FCHSD2: variants seen among roughly 807,000 people sequenced by gnomAD.
The protein encoded by FCHSD2 is FCH and double SH3 domains 2, also known as F-BAR and double SH3 domains protein 2.
Under a neutral mutation model 108.1 loss-of-function variants are expected in FCHSD2, and 38 were observed. The ratio of observed to expected loss-of-function variants is 0.35; its 90% CI spans 0.27 to 0.46. FCHSD2 has a LOEUF of 0.46. Among genes scored for constraint, FCHSD2 ranks in the 20% least tolerant of loss-of-function variants. The pLI is 1.00. For missense variants in FCHSD2, 751 were observed against 897.8 expected, an observed-to-expected ratio of 0.84 and a Z score of 2.09; for synonymous variants, 279 against 314.7, an observed-to-expected ratio of 0.89 and a Z score of 1.20.
At chr11:73,129,051 T>G (rs1346837034) in intron 2 of FCHSD2, among the ~76,000 whole-genome samples, 4 of 151,662 alleles carry the variant, frequency 2.6e-5, no homozygotes, top group Non-Finnish European at 5.9e-5. Context: ...TTTTGTATTT[T>G]TAGTAGAGAC....
At chr11:72,860,593 C>T (rs1384711419) in intron 13 of FCHSD2, among the ~76,000 whole-genome samples, 1 of 152,066 alleles carries the variant, frequency 6.6e-6, no homozygotes, top group African/African-American at 2.4e-5. Context: ...TCCTATAATC[C>T]TACCACTTTG....
At chr11:73,131,703 C>CAAA (rs1173232302) in intron 2 of FCHSD2, among the ~76,000 whole-genome samples, 1 of 107,684 alleles carries the variant, frequency 9.3e-6, no homozygotes, top group Non-Finnish European at 2.0e-5. Context: ...GACTATGTCT[C>CAAA]AAAAAAAAAA....
intron 4 of FCHSD2, among the ~76,000 whole-genome samples, chr11:73,013,346 G>A (rs1857901801): frequency 6.6e-6 from 1 of 152,120 alleles, no homozygotes; most frequent in Non-Finnish European, 1.5e-5. Context: ...TTAAGACCTG[G>A]CTCTACAAGC....
intron 3 of FCHSD2, among the ~76,000 whole-genome samples, chr11:73,067,492 A>C (rs1216942077): frequency 6.6e-6 from 1 of 152,142 alleles, no homozygotes; most frequent in Non-Finnish European, 1.5e-5. Flanking sequence ...AAAAAAAGAA[A>C]GAAAGAAAAT....
At chr11:72,941,080 C>A (rs1041691726) in intron 8 of FCHSD2, 5 of 590,554 alleles carry the variant, frequency 8.5e-6, no homozygotes, top group Non-Finnish European at 1.5e-5. Context: ...TTAGAGAAGG[C>A]GCAAAACTCT....
chr11:72,973,382 G>T (rs1287201447), intron 8 of FCHSD2, among the ~76,000 whole-genome samples: 3 of 150,744 alleles, frequency 2.0e-5, no homozygotes, highest in Admixed American at 2.0e-4. Context: ...AAAAAAGAAA[G>T]AAAAGAAAAG....
chr11:72,843,007 C>T, intron 16 of FCHSD2, 144 bp downstream of exon 16: 1 of 915,074 alleles, frequency 1.1e-6, no homozygotes. Context: ...TTCTACTGTG[C>T]AGGACAAACG....
intron 12 of FCHSD2, among the ~76,000 whole-genome samples, chr11:72,879,730 A>G (rs1164989565): frequency 2.0e-5 from 3 of 152,250 alleles, no homozygotes; most frequent in Non-Finnish European, 4.4e-5. Context: ...ATAAAAAATA[A>G]GGCCAGATAA....
chr11:73,061,862 AG>A (rs1205814138), intron 3 of FCHSD2, among the ~76,000 whole-genome samples: 2 of 152,168 alleles, frequency 1.3e-5, no homozygotes, highest in Non-Finnish European at 2.9e-5. Context: ...ACTTGGGGAA[AG>A]GGGCAGCTGT....
At chr11:72,992,848 G>T (rs2135408771) in intron 5 of FCHSD2, among the ~76,000 whole-genome samples, 1 of 152,258 alleles carries the variant, frequency 6.6e-6, no homozygotes, top group South Asian at 2.1e-4. Context: ...ACAGGCATAG[G>T]CAAGGACTTC....
intron 12 of FCHSD2, among the ~76,000 whole-genome samples, chr11:72,873,357 G>T (rs1854903566): frequency 6.6e-6 from 1 of 151,352 alleles, no homozygotes; most frequent in Non-Finnish European, 1.5e-5. Context: ...ATCTTTTCAT[G>T]TGCTTATTTA....
chr11:72,862,937 T>G (rs564008667), intron 13 of FCHSD2, among the ~76,000 whole-genome samples: 1 of 152,290 alleles, frequency 6.6e-6, no homozygotes, highest in South Asian at 2.1e-4. Flanking sequence ...TGATTAATTT[T>G]TTTTTTAAAG....
In FCHSD2 at chr11:73,142,217, C is replaced by T. The variant is rs1463561600; in HGVS notation, c.-340G>A. On this transcript the variant is annotated 5_prime_UTR_variant, in exon 1 of 20. Coordinates refer to ENST00000409418, the MANE Select transcript of FCHSD2 (RefSeq NM_014824.3). The stretch of plus-strand genomic sequence containing the variant: ...CTCAGCCGGCCGGGCGGCGGGTTAG[C>T]CGCAGCCGCGTTGTCCGCGCTCCCG... 3.0e-5 allele frequency: 5 copies of T among 166,868 alleles called. No homozygotes were observed. Among genetic ancestry groups the T allele is most frequent in the Non-Finnish European group, 6.4e-5 (5 of 78,218 alleles). The allele number at this position is 166,868 out of a possible 1,614,324, so 10.3% of individuals were successfully genotyped here.
intron 2 of FCHSD2, among the ~76,000 whole-genome samples, chr11:73,084,556 A>C (rs1394318980): frequency 6.6e-6 from 1 of 152,146 alleles, no homozygotes. Flanking sequence ...ACATCTGGTT[A>C]ATTTTTAAAT....
At chr11:72,928,147 TG>T (rs1856115240) in intron 8 of FCHSD2, among the ~76,000 whole-genome samples, 2 of 151,862 alleles carry the variant, frequency 1.3e-5, no homozygotes, top group African/African-American at 4.8e-5. Flanking sequence ...AATGAGTACG[TG>T]GGGGTCATTA....
At chr11:73,122,954 T>C (rs902693046) in intron 2 of FCHSD2, among the ~76,000 whole-genome samples, 8 of 152,212 alleles carry the variant, frequency 5.3e-5, no homozygotes, top group African/African-American at 1.9e-4. Flanking sequence ...AGAGTACACA[T>C]AGTTTATCTT....
chr11:73,061,290 G>A (rs528805420), intron 3 of FCHSD2, among the ~76,000 whole-genome samples: 16 of 152,220 alleles, frequency 1.1e-4, no homozygotes, highest in Non-Finnish European at 1.5e-4. Context: ...TGTGCTTGTC[G>A]CATGGTTTTC....
At chr11:73,062,976 C>T (rs1859203411) in intron 3 of FCHSD2, among the ~76,000 whole-genome samples, 1 of 152,220 alleles carries the variant, frequency 6.6e-6, no homozygotes, top group East Asian at 1.9e-4. Context: ...AACCCTAAGA[C>T]ACATAATCGT....
intron 2 of FCHSD2, among the ~76,000 whole-genome samples, chr11:73,118,872 G>A (rs896234006): frequency 2.0e-5 from 3 of 152,088 alleles, no homozygotes; most frequent in Non-Finnish European, 2.9e-5. Context: ...ACAACTAGGG[G>A]AAAACCACAT....
Sources: allele counts gnomAD v4.1 joint callset (sites outside exome capture counted in the v4.1 genomes callset), GRCh38; gene constraint gnomAD v4.1.1; transcripts MANE v1.5; gene names NCBI Gene and HGNC (gene_info 2026-07-23, HGNC 2026-07-21).